Variants in ELK3 observed in about 807,000 individuals in gnomAD.
The protein encoded by ELK3 is ETS transcription factor ELK3, also known as ETS domain-containing protein Elk-3.
A neutral mutation model predicts 28.9 loss-of-function variants in ELK3; 10 were observed. The observed-to-expected ratio is 0.35, with a 90% CI of 0.21 to 0.59. ELK3 has a LOEUF of 0.59. Among genes scored for constraint, ELK3 ranks in the 20% least tolerant of loss-of-function variants. ELK3 has a pLI of 0.82. For synonymous variants in ELK3, 272 were observed against 243.5 expected, an observed-to-expected ratio of 1.12 and a Z score of -1.09; for missense variants, 463 against 517.3, an observed-to-expected ratio of 0.90 and a Z score of 1.02.
At chr12:96,258,381 TCA>T (rs1425309770) in intron 3 of ELK3, among the ~76,000 whole-genome samples, 1 of 152,228 alleles carries the variant, frequency 6.6e-6, no homozygotes, top group African/African-American at 2.4e-5. Context: ...TTCAGCAGCT[TCA>T]CAGTTTGAGG....
In ELK3 at chr12:96,194,540, A is replaced by AG. The variant is rs1163279502; in HGVS notation, c.-164dup. 2 of 150,148 alleles carry AG rather than the reference A, an allele frequency of 1.3e-5. No homozygotes were observed. Among genetic ancestry groups the AG allele is most frequent in the East Asian group, 2.0e-4 (1 of 5,056 alleles). The allele number at this position is 150,148 out of a possible 1,614,324, so 9.3% of individuals were successfully genotyped here. A position where few individuals can be genotyped will look rare whatever the true frequency, so the allele number is the denominator to read the frequency against. The stretch of plus-strand genomic sequence containing the variant: ...AACTTCCTGCTCTCACACACACCAG[A>AG]GGGGAAAAAAAAAGAGGAGCGAGAG... On this transcript the variant is annotated 5_prime_UTR_variant, in exon 1 of 5. Transcript: ENST00000228741.
In ELK3 at chr12:96,259,806, G is replaced by T; in HGVS notation, c.1078G>T (p.Ala360Ser). Residue 360 changes from alanine to serine, a missense_variant, in exon 4 of 5, where the codon GCT becomes TCT. Physicochemically the swap from Ala to Ser is moderately conservative, Grantham distance 99. Transcript: ENST00000228741. The stretch of plus-strand genomic sequence containing the variant: ...TTTCTGGAGCAGCCTTAGTCCAGTT[G>T]CTCCGCTGAGTCCTGCCAGGCTGCA... The part of the protein sequence containing the change: ...IHFWSSLSPV[A>S]PLSPARLQGP... 1 of 1,609,806 alleles carries T rather than the reference G, an allele frequency of 6.2e-7. No individual in the cohort carries two copies.
At chr12:96,250,862 A>G (rs1951899925) in intron 3 of ELK3, among the ~76,000 whole-genome samples, 2 of 152,196 alleles carry the variant, frequency 1.3e-5, no homozygotes, top group South Asian at 2.1e-4. Flanking sequence ...CCCTGAAGGT[A>G]CAAATTCCGA....
chr12:96,256,553 T>G (rs1951950531), intron 3 of ELK3, among the ~76,000 whole-genome samples: 1 of 152,206 alleles, frequency 6.6e-6, no homozygotes, highest in African/African-American at 2.4e-5. Flanking sequence ...GGGACCCAGC[T>G]AGAGCTGCAG....
chr12:96,219,224 T>C (rs994692037), intron 1 of ELK3, among the ~76,000 whole-genome samples: 1 of 152,180 alleles, frequency 6.6e-6, no homozygotes, highest in Non-Finnish European at 1.5e-5. Flanking sequence ...TCCAGATAAA[T>C]GGGCTTTATT....
chr12:96,233,417 C>T (rs1295589584), intron 2 of ELK3, among the ~76,000 whole-genome samples: 1 of 152,156 alleles, frequency 6.6e-6, no homozygotes, highest in East Asian at 1.9e-4. Context: ...GAAAAATCCT[C>T]CCGTCTCCAC....
At chr12:96,256,018 A>T (rs1951945432) in intron 3 of ELK3, among the ~76,000 whole-genome samples, 1 of 152,044 alleles carries the variant, frequency 6.6e-6, no homozygotes. Flanking sequence ...TCTGGGGCTA[A>T]GGAGGACATC....
At chr12:96,223,929 G>A (rs1951681104) in intron 2 of ELK3, 156 bp downstream of exon 2, 2 of 767,302 alleles carry the variant, frequency 2.6e-6, no homozygotes, top group South Asian at 3.7e-5. Flanking sequence ...CTGTGCTGTA[G>A]GGATTTTCCC....
intron 1 of ELK3, among the ~76,000 whole-genome samples, chr12:96,216,924 C>T (rs373421764): frequency 6.6e-6 from 1 of 152,192 alleles, no homozygotes; most frequent in South Asian, 2.1e-4. Context: ...TCCAAATAGA[C>T]AAAAGTGCTT....
chr12:96,217,390 G>A (rs1242129373), intron 1 of ELK3, among the ~76,000 whole-genome samples: 4 of 152,312 alleles, frequency 2.6e-5, no homozygotes, highest in South Asian at 2.1e-4. Flanking sequence ...AATAATTCTC[G>A]TCTATAGACA....
Position 96,264,662 on chromosome 12 carries a change from G to C in ELK3, c.1126-2420G>C, listed in dbSNP as rs114215570. Among the ~76,000 whole-genome samples, 1,025 of 152,250 alleles carry C rather than the reference G, an allele frequency of 6.7e-3. 14 individuals carry two copies. Among genetic ancestry groups the C allele is most frequent in the African/African-American group, 0.024 (985 of 41,538 alleles). ...TGGCCACGTGTGCTGGCGTGTGCCT[G>C]TGGTCCCAACTACTAGGGAGGCTGA... On this transcript the variant is annotated intron_variant, in intron 4 of 4. Coordinates refer to ENST00000228741, the MANE Select transcript of ELK3 (RefSeq NM_005230.4).
intron 1 of ELK3, among the ~76,000 whole-genome samples, chr12:96,214,106 C>G (rs574097476): frequency 6.6e-6 from 1 of 152,146 alleles, no homozygotes; most frequent in African/African-American, 2.4e-5. Context: ...CAACCTTTCT[C>G]TTTCCCAAGA....
intron 1 of ELK3, among the ~76,000 whole-genome samples, chr12:96,209,563 T>A (rs1951563128): frequency 6.6e-6 from 1 of 152,242 alleles, no homozygotes; most frequent in African/African-American, 2.4e-5. Flanking sequence ...ATCAGAAAGA[T>A]TAGGGTTTCA....
chr12:96,208,743 GT>G (rs907123873), intron 1 of ELK3, among the ~76,000 whole-genome samples: 1 of 152,248 alleles, frequency 6.6e-6, no homozygotes, highest in Non-Finnish European at 1.5e-5. Flanking sequence ...ACCAGAGGGA[GT>G]TTTGCAGGGA....
chr12:96,237,658 A>G (rs1244322041), intron 2 of ELK3, among the ~76,000 whole-genome samples: 4 of 152,134 alleles, frequency 2.6e-5, no homozygotes, highest in South Asian at 4.1e-4. Flanking sequence ...GCTTGAACCT[A>G]TAGTCCCAGC....
intron 2 of ELK3, among the ~76,000 whole-genome samples, chr12:96,229,439 G>A (rs747634667): frequency 3.6e-4 from 55 of 152,008 alleles, no homozygotes; most frequent in African/African-American, 1.3e-3. Context: ...AGTCCCTGGC[G>A]TGCCTTGGCT....
Position 96,247,141 on chromosome 12 carries a change from TACATC to T in ELK3, c.410_414del (p.Tyr137SerfsTer11). 6.2e-7 allele frequency: 1 copy of T among 1,614,024 alleles called. No individual in the cohort carries two copies. On this transcript the variant is annotated frameshift_variant, in exon 3 of 5. Transcript: ENST00000228741. LOFTEE classifies it high-confidence loss of function. The surrounding 1 kb of genome is among the most constrained non-coding windows in gnomAD (Gnocchi z 5.5). ...CCTCAGAAGCACGAGCCGCAACGAA[TACATC>T]CACTCAGGCCTGTACTCGTCCTTCA...
rs1951866878 is a variant in ELK3 at position 96,247,483 on chromosome 12, C to A, written c.751C>A (p.Pro251Thr). ...SRSPSLSPNS[P>T]LPSEHRSLFL... ...GTCCCCGTCCCTGTCCCCCAACTCA[C>A]CCCTCCCTTCTGAACACAGAAGCCT... The change falls in exon 3 of 5, where the codon CCC becomes ACC. Residue 251 changes from proline to threonine, a missense_variant. Around this residue, in one of 2 missense-constraint regions of ELK3, gnomAD observed 408 missense variants for 414.8 expected, o/e 0.98. Transcript: ENST00000228741. The surrounding 1 kb of genome is among the most constrained non-coding windows in gnomAD (Gnocchi z 5.5). 6.2e-7 allele frequency: 1 copy of A among 1,614,122 alleles called. No individual in the cohort carries two copies. Among genetic ancestry groups the A allele is most frequent in the Non-Finnish European group, 8.5e-7 (1 of 1,180,034 alleles).
At chr12:96,238,595 TG>T (rs1398461574) in intron 2 of ELK3, among the ~76,000 whole-genome samples, 5 of 152,224 alleles carry the variant, frequency 3.3e-5, no homozygotes, top group Admixed American at 2.0e-4. Flanking sequence ...GTCCCTTGGA[TG>T]GCATGCCACT....
Sources: gnomAD v4.1 joint callset for allele counts (sites outside exome capture counted in the v4.1 genomes callset) on GRCh38, gnomAD v4.1.1 for gene constraint, gnomAD v4.1.1 regional missense constraint, Gnocchi (gnomAD v3.1) non-coding constraint, MANE v1.5 for transcripts, NCBI Gene and HGNC (gene_info 2026-07-23, HGNC 2026-07-21) for gene names.